CLVS2: variants seen among roughly 807,000 people sequenced by gnomAD.
CLVS2 encodes clavesin-2.
Under a neutral mutation model 29.0 loss-of-function variants are expected in CLVS2, and 19 were observed. The observed-to-expected ratio is 0.66, with a 90% CI of 0.46 to 0.96. CLVS2 has a LOEUF of 0.96. Among genes scored for constraint, CLVS2 ranks in the 40% least tolerant of loss-of-function variants. CLVS2 has a pLI of 0.00. For missense variants in CLVS2, 294 were observed against 404.1 expected, an observed-to-expected ratio of 0.73 and a Z score of 2.34; for synonymous variants, 161 against 151.3, an observed-to-expected ratio of 1.06 and a Z score of -0.47.
At chr6:122,997,064 G>GCTAT (rs1774520065) in intron 1 of CLVS2, among the ~76,000 whole-genome samples, 155 bp from the exon 2 acceptor site, 1 of 152,136 alleles carries the variant, frequency 6.6e-6, no homozygotes, top group Non-Finnish European at 1.5e-5. Flanking sequence ...GGGAAGGTGC[G>GCTAT]CTATCTGCAG....
chr6:123,065,872 C>T lies in CLVS2; in HGVS notation c.*2111C>T, dbSNP rs951559378. ...CAACCAGCATTGGCAGCTTCTTTCCCCTATCGTAAAGTTAGTGTCATATAT... is the reference window on the plus strand; with the variant it reads ...CAACCAGCATTGGCAGCTTCTTTCCTCTATCGTAAAGTTAGTGTCATATAT... On this transcript the variant is annotated 3_prime_UTR_variant, in exon 6 of 6. Coordinates refer to ENST00000275162, the MANE Select transcript of CLVS2 (RefSeq NM_001010852.4). 11 of 151,608 alleles carry T rather than the reference C, an allele frequency of 7.3e-5. No homozygotes were observed. Among genetic ancestry groups the T allele is most frequent in the African/African-American group, 2.7e-4 (11 of 41,374 alleles). The allele number at this position is 151,608 out of a possible 1,614,324, so 9.4% of individuals were successfully genotyped here. A position where few individuals can be genotyped will look rare whatever the true frequency, so the allele number is the denominator to read the frequency against.
chr6:123,054,393 T>TGA (rs1772660714), intron 4 of CLVS2, among the ~76,000 whole-genome samples: 1 of 152,194 alleles, frequency 6.6e-6, no homozygotes, highest in East Asian at 1.9e-4. Context: ...CTCTTCCACC[T>TGA]CCTGTGGGCC....
chr6:122,998,576 T>C (rs1193694466), intron 2 of CLVS2, among the ~76,000 whole-genome samples: 1 of 152,092 alleles, frequency 6.6e-6, no homozygotes, highest in African/African-American at 2.4e-5. Flanking sequence ...ATCATCATTG[T>C]CATCATCATC....
intron 5 of CLVS2, 99 bp from the exon 6 acceptor site, chr6:123,063,575 A>T: frequency 2.9e-6 from 2 of 690,438 alleles, no homozygotes; most frequent in Non-Finnish European, 5.1e-6. Flanking sequence ...GAGGAAGGGA[A>T]TTCACATTCC....
intron 2 of CLVS2, among the ~76,000 whole-genome samples, chr6:123,004,348 TCTCA>T (rs1399647381): frequency 1.3e-5 from 2 of 152,216 alleles, no homozygotes; most frequent in African/African-American, 4.8e-5. Flanking sequence ...ATTCTCTTGT[TCTCA>T]CTCACCTACA....
chr6:123,036,747 T>C (rs980971000), intron 3 of CLVS2, among the ~76,000 whole-genome samples: 1 of 152,198 alleles, frequency 6.6e-6, no homozygotes, highest in African/African-American at 2.4e-5. Flanking sequence ...ATGTGTGCTT[T>C]TTTGAAGAAC....
intron 3 of CLVS2, among the ~76,000 whole-genome samples, chr6:123,031,733 G>A (rs377526318): frequency 1.1e-3 from 171 of 151,904 alleles, no homozygotes; most frequent in Non-Finnish European, 1.9e-3. Context: ...TTGTCAGGGA[G>A]TAAAACTCCA....
At chr6:123,024,328 G>A (rs765603651) in intron 3 of CLVS2, among the ~76,000 whole-genome samples, 21 of 152,108 alleles carry the variant, frequency 1.4e-4, no homozygotes, top group Non-Finnish European at 3.1e-4. Flanking sequence ...CACAAAACTT[G>A]AGATTTTCAC....
chr6:123,057,623 G>C (rs1772713184), intron 5 of CLVS2, among the ~76,000 whole-genome samples: 1 of 152,042 alleles, frequency 6.6e-6, no homozygotes, highest in Non-Finnish European at 1.5e-5. Flanking sequence ...GATTACAGGA[G>C]TGAGCCATTG....
chr6:123,047,080 G>A (rs1772525136), intron 3 of CLVS2, among the ~76,000 whole-genome samples: 1 of 152,038 alleles, frequency 6.6e-6, no homozygotes, highest in African/African-American at 2.4e-5. Flanking sequence ...ATTCCTATAG[G>A]TGCTACATTC....
At chr6:123,033,917 T>C (rs1480836564) in intron 3 of CLVS2, among the ~76,000 whole-genome samples, 1 of 152,052 alleles carries the variant, frequency 6.6e-6, no homozygotes, top group Non-Finnish European at 1.5e-5. Flanking sequence ...CGGACAGACA[T>C]TTCACCAAGG....
intron 3 of CLVS2, among the ~76,000 whole-genome samples, chr6:123,014,219 T>C (rs1774792871): frequency 6.6e-6 from 1 of 152,108 alleles, no homozygotes; most frequent in African/African-American, 2.4e-5. Context: ...TAGTTCAAGA[T>C]CCCTGAGGGA....
chr6:123,000,265 A>G (rs13213409), intron 2 of CLVS2, among the ~76,000 whole-genome samples: 36,893 of 152,052 alleles, frequency 0.24, 4,874 homozygotes, highest in Non-Finnish European at 0.3. Flanking sequence ...AAGGTATACA[A>G]GTGATTTAGA....
Position 123,072,540 on chromosome 6 carries a change from G to A in CLVS2, c.*8779G>A, listed in dbSNP as rs1039509652. The A allele has an allele frequency of 1.3e-5, 2 of 152,082 alleles. No individual in the cohort carries two copies. The allele number at this position is 152,082 out of a possible 1,614,324, so 9.4% of individuals were successfully genotyped here. On this transcript the variant is annotated 3_prime_UTR_variant, in exon 6 of 6. Coordinates refer to ENST00000275162, the MANE Select transcript of CLVS2 (RefSeq NM_001010852.4). ...GTTTCTTAATATTTGATCCTTGATA[G>A]TCTGTACAGTGGAAACCATTTCCCT...
intron 2 of CLVS2, among the ~76,000 whole-genome samples, chr6:123,009,663 C>A (rs1774721127): frequency 6.6e-6 from 1 of 152,026 alleles, no homozygotes. Context: ...AGATCTCTTT[C>A]TCTAGCTATT....
In CLVS2 at chr6:122,997,596, G is replaced by T; in HGVS notation, c.-182G>T. On this transcript the variant is annotated 5_prime_UTR_variant, in exon 2 of 6. Transcript: ENST00000275162. ...TACACCCCCCGGCCCCCCCAGCTTTGCTGGGGGAAAGCAGGAGCAACAGGG... is the reference window on the plus strand; with the variant it reads ...TACACCCCCCGGCCCCCCCAGCTTTTCTGGGGGAAAGCAGGAGCAACAGGG... 230 of 512,040 alleles carry T rather than the reference G, an allele frequency of 4.5e-4. No homozygotes were observed. The highest frequency in any genetic ancestry group is 6.1e-4 in the Middle Eastern group (1 of 1,636). 31.7% of individuals were successfully genotyped at this position (512,040 alleles called of 1,614,324 possible). A position where few individuals can be genotyped will look rare whatever the true frequency, so the allele number is the denominator to read the frequency against.
At chr6:123,061,811 A>G (rs542231981) in intron 5 of CLVS2, among the ~76,000 whole-genome samples, 145 of 152,326 alleles carry the variant, frequency 9.5e-4, no homozygotes, top group Non-Finnish European at 1.6e-3. Context: ...TGCCTTGTGC[A>G]GTCTGAAGAG....
In CLVS2 at chr6:123,071,282, A is replaced by T. The variant is rs1772944048; in HGVS notation, c.*7521A>T. ...GTTTCTTGTTGTCTTAATTTAAAAA[A>T]TTTTGTTATTTATCTTCAAAGGGGA... On this transcript the variant is annotated 3_prime_UTR_variant, in exon 6 of 6. Coordinates refer to ENST00000275162, the MANE Select transcript of CLVS2 (RefSeq NM_001010852.4). The T allele has an allele frequency of 6.6e-6, 1 of 152,026 alleles. No individual in the cohort carries two copies. The highest frequency in any genetic ancestry group is 6.6e-5 in the Admixed American group (1 of 15,224). The allele number at this position is 152,026 out of a possible 1,614,324, so 9.4% of individuals were successfully genotyped here. A position where few individuals can be genotyped will look rare whatever the true frequency, so the allele number is the denominator to read the frequency against.
intron 3 of CLVS2, among the ~76,000 whole-genome samples, chr6:123,038,267 C>T (rs1262862607): frequency 6.6e-6 from 1 of 152,154 alleles, no homozygotes; most frequent in Non-Finnish European, 1.5e-5. Context: ...CTCTTAACAC[C>T]TTATGGAAGT....
Sources: allele counts gnomAD v4.1 joint callset (sites outside exome capture counted in the v4.1 genomes callset), GRCh38; gene constraint gnomAD v4.1.1; transcripts MANE v1.5; gene names NCBI Gene and HGNC (gene_info 2026-07-23, HGNC 2026-07-21).